Variants in CAMSAP3 observed in about 807,000 individuals in gnomAD.
The protein encoded by CAMSAP3 is calmodulin regulated spectrin associated protein family member 3.
CAMSAP3 carries 34 observed loss-of-function variants against 112.5 expected under a neutral mutation model. That is an observed-to-expected ratio of 0.30 (90% CI 0.23 to 0.40). CAMSAP3 has a LOEUF of 0.40. CAMSAP3 is among the 10% of genes least tolerant of loss of function. CAMSAP3 has a pLI of 1.00. For missense variants in CAMSAP3, 1,602 were observed against 1,770.3 expected (o/e 0.90, Z 1.71); for synonymous variants, 868 against 799.8 (o/e 1.09, Z -1.44).
At position 7,615,827 on chromosome 19, in the gene CAMSAP3, CG is replaced by C. The variant is rs1343245716; in HGVS notation, c.3112+111del. The C allele has an allele frequency of 3.9e-4, 3 of 7,714 alleles. No individual in the cohort carries two copies. The highest frequency in any genetic ancestry group is 2.9e-3 in the African/African-American group (3 of 1,032). 0.5% of individuals were successfully genotyped at this position (7,714 alleles called of 1,614,324 possible). ...GGGAGGGAGATGTAAGCAGGGGTGCCGGGAGGGGGCGGGTATGTGGGGTGAC... is the reference window on the plus strand; with the variant it reads ...GGGAGGGAGATGTAAGCAGGGGTGCCGGAGGGGGCGGGTATGTGGGGTGAC... On this transcript the variant is annotated intron_variant, in intron 13 of 16. Transcript: ENST00000160298. The surrounding 1 kb of genome is among the most constrained non-coding windows in gnomAD (Gnocchi z 6.5).
rs1374537435 is a variant in CAMSAP3 at position 7,617,717 on chromosome 19, T to G, written c.3445-35T>G. The stretch of plus-strand genomic sequence containing the variant: ...CTGGTGGGTGGGTGGGTGGCCTGAC[T>G]TGGCCAGCTGACCATTTCCAGCACT... On this transcript the variant is annotated intron_variant, in intron 16 of 16. Coordinates refer to ENST00000160298, the MANE Select transcript of CAMSAP3 (RefSeq NM_020902.2). This position sits in a 1 kb window ranked among gnomAD's most constrained non-coding sequence, Gnocchi z 7.5. 6.2e-7 allele frequency: 1 copy of G among 1,612,736 alleles called. No individual in the cohort carries two copies. The highest frequency in any genetic ancestry group is 2.2e-5 in the East Asian group (1 of 44,868).
Position 7,613,177 on chromosome 19 carries a change from C to T in CAMSAP3, c.2670+14C>T. ...TTCTTCTACAAGGTGAGTCCCCGAG[C>T]AGGTGGCTGGAGGGTCCTGGGCCTG... On this transcript the variant is annotated intron_variant, in intron 11 of 16. Coordinates refer to ENST00000160298, the MANE Select transcript of CAMSAP3 (RefSeq NM_020902.2). The T allele has an allele frequency of 1.7e-6, 2 of 1,187,128 alleles. No individual in the cohort carries two copies. Among genetic ancestry groups the T allele is most frequent in the Non-Finnish European group, 2.1e-6 (2 of 935,936 alleles). 73.5% of individuals were successfully genotyped at this position (1,187,128 alleles called of 1,614,324 possible). A position where few individuals can be genotyped will look rare whatever the true frequency, so the allele number is the denominator to read the frequency against.
rs1327111631 is a variant in CAMSAP3, at chr19:7,617,412, C to T, written c.3299C>T (p.Ser1100Phe). The change falls in exon 15 of 17, where the codon TCC becomes TTC. Residue 1100 changes from serine to phenylalanine, a missense_variant. By Grantham distance (155) the Ser-to-Phe change is radical (BLOSUM62 -2). Transcript: ENST00000160298. This position sits in a 1 kb window ranked among gnomAD's most constrained non-coding sequence, Gnocchi z 7.5. ...RDWENGSNAS[S>F]PASVPEYTGP... Reference sequence around the variant, plus strand: ...TGGGAAAATGGCAGCAATGCCTCCTCCCCAGCGTCAGTGCCCGAGTACACA... The same window carrying T: ...TGGGAAAATGGCAGCAATGCCTCCTTCCCAGCGTCAGTGCCCGAGTACACA... 1 of 1,613,902 alleles carries T rather than the reference C, an allele frequency of 6.2e-7. No individual in the cohort carries two copies. The highest frequency in any genetic ancestry group is 8.5e-7 in the Non-Finnish European group (1 of 1,179,958).
At chr19:7,616,944 T>G (rs1568449639) in intron 14 of CAMSAP3, among the ~76,000 whole-genome samples, 1 of 127,272 alleles carries the variant, frequency 7.9e-6, no homozygotes, top group South Asian at 2.5e-4. Flanking sequence ...CTTTTTTTTT[T>G]TTTTTTTTTT....
In CAMSAP3 at chr19:7,611,315, C is replaced by T; in HGVS notation, c.1123+147C>T. Reference sequence around the variant, plus strand: ...CATCCCAAAGTGACCCCCAGAATGGCCTCCCCAGTGGCCCCACAGTACCCC... The same window carrying T: ...CATCCCAAAGTGACCCCCAGAATGGTCTCCCCAGTGGCCCCACAGTACCCC... On this transcript the variant is annotated intron_variant, in intron 9 of 16. Transcript: ENST00000160298. This position sits in a 1 kb window ranked among gnomAD's most constrained non-coding sequence, Gnocchi z 6.9. 1.1e-6 allele frequency: 1 copy of T among 916,696 alleles called. No homozygotes were observed. Among genetic ancestry groups the T allele is most frequent in the Non-Finnish European group, 1.7e-6 (1 of 595,712 alleles). 56.8% of individuals were successfully genotyped at this position (916,696 alleles called of 1,614,324 possible).
At position 7,613,317 on chromosome 19, in the gene CAMSAP3, G is replaced by C. The variant is rs554277079; in HGVS notation, c.2670+154G>C. ...ATAGATGGGGAGCCAGGTATGAATG[G>C]ACAGAACAGGTGTGAGTGGCTGGGT... On this transcript the variant is annotated intron_variant, in intron 11 of 16. Transcript: ENST00000160298. Among the ~76,000 whole-genome samples the C allele has an allele frequency of 5.6e-4, 84 of 149,490 alleles. 1 individual carries two copies. In the South Asian group the frequency reaches 0.018, roughly 32 times the overall value.
rs1599354989 is a variant in CAMSAP3, at chr19:7,610,127, G to T, written c.761-349G>T. 6.6e-6 allele frequency among the ~76,000 whole-genome samples: 1 copy of T among 152,084 alleles called. No homozygotes were observed. The highest frequency in any genetic ancestry group is 1.9e-4 in the East Asian group (1 of 5,178). On this transcript the variant is annotated intron_variant, in intron 5 of 16. Coordinates refer to ENST00000160298, the MANE Select transcript of CAMSAP3 (RefSeq NM_020902.2). The surrounding 1 kb of genome is among the most constrained non-coding windows in gnomAD (Gnocchi z 4.9). ...AAGTCAGGAGATCGAGACCATCCTG[G>T]CTAACACGGTGAAACCCCATCTCTA...
chr19:7,616,934 C>CTTTTTTTTTTTTGTT, intron 14 of CAMSAP3, among the ~76,000 whole-genome samples: 1 of 83,036 alleles, frequency 1.2e-5, no homozygotes, highest in African/African-American at 5.2e-5. Context: ...TGTGGCCCGC[C>CTTTTTTTTTTTTGTT]TTTTTTTTTT....
Position 7,611,933 on chromosome 19 carries a change from C to G in CAMSAP3, c.1440C>G (p.Asp480Glu). The G allele has an allele frequency of 6.3e-7, 1 of 1,594,902 alleles. No homozygotes were observed. The highest frequency in any genetic ancestry group is 8.6e-7 in the Non-Finnish European group (1 of 1,168,928). ...EPRLLPDGAA[D>E]GSFYLHSPEG... ...GGCTCCTCCCAGATGGGGCGGCCGA[C>G]GGCAGCTTCTACCTCCACTCCCCTG... Residue 480 changes from aspartate (D) to glutamate (E), a missense_variant, in exon 11 of 17, where the codon GAC becomes GAG. Physicochemically the swap from Asp to Glu is conservative, Grantham distance 45. Coordinates refer to ENST00000160298, the MANE Select transcript of CAMSAP3 (RefSeq NM_020902.2). This position sits in a 1 kb window ranked among gnomAD's most constrained non-coding sequence, Gnocchi z 6.9.
In CAMSAP3 at chr19:7,606,513, C is replaced by G. The variant is rs751813834; in HGVS notation, c.563C>G (p.Ala188Gly). 7 of 1,554,334 alleles carry G rather than the reference C, an allele frequency of 4.5e-6. No individual in the cohort carries two copies. In the African/African-American group the frequency reaches 9.5e-5, roughly 21 times the overall value. ...CTGCAGGAGAAGACCGAGCAGGAAG[C>G]GGCCCAGCGAGCCTCTCCAGCAGCC... ...RRLQEKTEQE[A>G]AQRASPAAPA... The change falls in exon 4 of 17, where the codon GCG becomes GGG. Residue 188 changes from alanine to glycine, a missense_variant. Ala to Gly is a moderately conservative substitution (Grantham distance 60, BLOSUM62 0). Around this residue, in one of 6 missense-constraint regions of CAMSAP3, gnomAD observed 112 missense variants for 94.2 expected, o/e 1.19. Transcript: ENST00000160298.
chr19:7,606,091 C>T (rs190464626), intron 2 of CAMSAP3, among the ~76,000 whole-genome samples, 180 bp from the exon 3 acceptor site: 252 of 152,192 alleles, frequency 1.7e-3, no homozygotes, highest in African/African-American at 6.0e-3. Context: ...TTTCCGGGAC[C>T]CCATTTCTTG....
chr19:7,608,130 G>T lies in CAMSAP3; in HGVS notation c.626G>T (p.Arg209Leu). 1 of 1,610,636 alleles carries T rather than the reference G, an allele frequency of 6.2e-7. No homozygotes were observed. Among genetic ancestry groups the T allele is most frequent in the Non-Finnish European group, 8.5e-7 (1 of 1,179,292 alleles). The change falls in exon 5 of 17, where the codon CGA (arginine) becomes CTA (leucine). Residue 209 changes from arginine to leucine, a missense_variant. Around this residue, in one of 6 missense-constraint regions of CAMSAP3, gnomAD observed 112 missense variants for 94.2 expected, o/e 1.19. Transcript: ENST00000160298. Reference sequence around the variant, plus strand: ...TGACCTGGCTCCCATCTGCAGATCCGATACCGCAAGGACCGTGTGGTGGCG... The same window carrying T: ...TGACCTGGCTCCCATCTGCAGATCCTATACCGCAAGGACCGTGTGGTGGCG... ...DGAAPAQPSI[R>L]YRKDRVVARR... is the part of the protein sequence containing the mutation.
rs769765979 is a variant in CAMSAP3 at position 7,606,848 on chromosome 19, G to T, written c.621+277G>T. 3.1e-6 allele frequency: 5 copies of T among 1,607,062 alleles called. No individual in the cohort carries two copies. In the African/African-American group the frequency reaches 6.7e-5, roughly 22 times the overall value. On this transcript the variant is annotated intron_variant, in intron 4 of 16. Coordinates refer to ENST00000160298, the MANE Select transcript of CAMSAP3 (RefSeq NM_020902.2). ...TCTGTCCGCCCCGTCTGCCTGCCCT[G>T]CTTGTAGCTCTGTCTGTCTGTATGT...
chr19:7,610,888 C>G lies in CAMSAP3; in HGVS notation c.1006C>G (p.Arg336Gly). Residue 336 changes from arginine (R) to glycine (G), a missense_variant, in exon 8 of 17, where the codon CGG becomes GGG. Arg to Gly is a moderately radical substitution (Grantham distance 125, BLOSUM62 -2). Coordinates refer to ENST00000160298, the MANE Select transcript of CAMSAP3 (RefSeq NM_020902.2). This position sits in a 1 kb window ranked among gnomAD's most constrained non-coding sequence, Gnocchi z 4.9. ...TCTCTGTACTGCAGCTGCCTCCCCC[C>G]GGGGCACTGAGGCCTCCCCACCTCA... ...DLPDGHAASP[R>G]GTEASPPQNN... 6.3e-7 allele frequency: 1 copy of G among 1,595,640 alleles called. No homozygotes were observed. The highest frequency in any genetic ancestry group is 8.5e-7 in the Non-Finnish European group (1 of 1,171,202).
At chr19:7,598,827 C>A (rs1172726039) in intron 1 of CAMSAP3, among the ~76,000 whole-genome samples, 1 of 151,920 alleles carries the variant, frequency 6.6e-6, no homozygotes, top group Non-Finnish European at 1.5e-5. Flanking sequence ...TTGGAAAACA[C>A]CCCATGCAGT....
In CAMSAP3 at chr19:7,613,061, C is replaced by G. The variant is rs991346699; in HGVS notation, c.2568C>G (p.Ala856=). ...IPLGSLADPA[A]EDEGDGSPAG... Reference sequence around the variant, plus strand: ...TGGGCAGCCTGGCAGATCCCGCCGCCGAGGACGAGGGAGACGGGAGCCCCG... The same window carrying G: ...TGGGCAGCCTGGCAGATCCCGCCGCGGAGGACGAGGGAGACGGGAGCCCCG... Residue 856 remains alanine, a synonymous_variant, in exon 11 of 17, where the codon GCC becomes GCG. Transcript: ENST00000160298. 3 of 1,548,468 alleles carry G rather than the reference C, an allele frequency of 1.9e-6. No individual in the cohort carries two copies. Among genetic ancestry groups the G allele is most frequent in the Non-Finnish European group, 2.6e-6 (3 of 1,147,130 alleles).
At position 7,606,467 on chromosome 19, in the gene CAMSAP3, G is replaced by T. The variant is rs774066278; in HGVS notation, c.526-9G>T. On this transcript the variant is annotated splice_polypyrimidine_tract_variant and intron_variant, in intron 3 of 16. Transcript: ENST00000160298. The stretch of plus-strand genomic sequence containing the variant: ...TGGCCAGACCACTGACCCCCTCCCT[G>T]CCCTCCAGACCGTCCGGCGGCTGCA... 1.2e-6 allele frequency: 2 copies of T among 1,603,464 alleles called. No homozygotes were observed. Among genetic ancestry groups the T allele is most frequent in the Non-Finnish European group, 1.7e-6 (2 of 1,178,646 alleles).
rs775027310 is a variant in CAMSAP3, at chr19:7,617,804, G to C, written c.3497G>C (p.Ser1166Thr). The C allele has an allele frequency of 9.9e-6, 16 of 1,613,446 alleles. No individual in the cohort carries two copies. In the South Asian group the frequency reaches 1.5e-4, roughly 16 times the overall value. Residue 1166 changes from serine (S) to threonine (T), a missense_variant, in exon 17 of 17, where the codon AGC (serine) becomes ACC (threonine). Physicochemically the swap from Ser to Thr is moderately conservative, Grantham distance 58. Coordinates refer to ENST00000160298, the MANE Select transcript of CAMSAP3 (RefSeq NM_020902.2). The surrounding 1 kb of genome is among the most constrained non-coding windows in gnomAD (Gnocchi z 7.5). ...NHFLILFRDSSCQFRALYTLS... is the reference protein window; with the variant it reads ...NHFLILFRDSTCQFRALYTLS... The stretch of plus-strand genomic sequence containing the variant: ...TTCCTGATCCTCTTTCGCGACTCGA[G>C]CTGCCAGTTCCGGGCGCTCTACACG...
In CAMSAP3 at chr19:7,611,808, C is replaced by T. The variant is rs368675397; in HGVS notation, c.1315C>T (p.Arg439Cys). ...GAGCTCGGACAGCCTGGGCCCCCCG[C>T]GTCCCGCGCCGGCCAGGACCCCCAC... is the stretch of plus-strand genomic sequence containing the variant. ...SVSSDSLGPP[R>C]PAPARTPTQP... The change falls in exon 11 of 17, where the codon CGT (arginine) becomes TGT (cysteine). Residue 439 changes from arginine (R) to cysteine (C), a missense_variant. Arg to Cys is a radical substitution (Grantham distance 180, BLOSUM62 -3). Transcript: ENST00000160298. The surrounding 1 kb of genome is among the most constrained non-coding windows in gnomAD (Gnocchi z 6.9). 5.6e-6 allele frequency: 9 copies of T among 1,593,758 alleles called. No homozygotes were observed. Among genetic ancestry groups the T allele is most frequent in the South Asian group, 1.1e-5 (1 of 88,482 alleles).
Sources: allele counts gnomAD v4.1 joint callset (sites outside exome capture counted in the v4.1 genomes callset), GRCh38; gene constraint gnomAD v4.1.1; regional missense constraint gnomAD v4.1.1; non-coding constraint Gnocchi (gnomAD v3.1); transcripts MANE v1.5; gene names NCBI Gene and HGNC (gene_info 2026-07-23, HGNC 2026-07-21).